Variants in FMN1 observed in about 807,000 individuals in gnomAD.
FMN1 encodes formin-1.
A neutral mutation model predicts 132.4 loss-of-function variants in FMN1; 110 were observed. The ratio of observed to expected loss-of-function variants is 0.83; its 90% CI spans 0.71 to 0.97. FMN1 has a LOEUF of 0.97. Ranked by LOEUF, FMN1 falls within the 50% of genes least tolerant of loss-of-function variation. The pLI, the probability that FMN1 is intolerant of heterozygous loss-of-function variation, is 0.00. For missense variants in FMN1, 1,792 were observed against 1,705.3 expected (o/e 1.05, Z -0.90); for synonymous variants, 722 against 651.7 (o/e 1.11, Z -1.64).
intron 18 of FMN1, among the ~76,000 whole-genome samples, chr15:32,800,076 T>C (rs2057426420): frequency 6.6e-6 from 1 of 152,118 alleles, no homozygotes; most frequent in Non-Finnish European, 1.5e-5. Flanking sequence ...TGGAGCATAC[T>C]TTCATCTCAT....
chr15:33,027,001 A>C (rs1007177511), intron 6 of FMN1, among the ~76,000 whole-genome samples: 2 of 152,154 alleles, frequency 1.3e-5, no homozygotes, highest in African/African-American at 4.8e-5. Context: ...ATTTGTGTGG[A>C]GTGTGGGGGT....
chr15:33,016,994 T>C (rs889347249), intron 6 of FMN1, among the ~76,000 whole-genome samples: 1 of 152,196 alleles, frequency 6.6e-6, no homozygotes, highest in East Asian at 1.9e-4. Context: ...GAATAATAAA[T>C]CTTTTCATGC....
chr15:32,970,269 A>T (rs897481044), intron 7 of FMN1, among the ~76,000 whole-genome samples: 1 of 152,246 alleles, frequency 6.6e-6, no homozygotes, highest in Non-Finnish European at 1.5e-5. Context: ...CCCGTTCCTC[A>T]GCATTCAAAG....
chr15:32,931,876 T>C (rs988269129), intron 9 of FMN1, among the ~76,000 whole-genome samples: 3 of 152,210 alleles, frequency 2.0e-5, no homozygotes, highest in Non-Finnish European at 4.4e-5. Context: ...CTAAAGAATA[T>C]TTCCTTCTTT....
chr15:33,002,516 G>C (rs78236847), intron 7 of FMN1, among the ~76,000 whole-genome samples: 3,911 of 152,242 alleles, frequency 0.026, 75 homozygotes, highest in Non-Finnish European at 0.039. Flanking sequence ...TGCCAAACCA[G>C]TTGTCTCATT....
intron 4 of FMN1, among the ~76,000 whole-genome samples, chr15:33,091,042 C>T (rs2038884153): frequency 6.6e-6 from 1 of 152,134 alleles, no homozygotes; most frequent in Non-Finnish European, 1.5e-5. Flanking sequence ...TAAATCCCTC[C>T]ACCTTTCATT....
intron 15 of FMN1, among the ~76,000 whole-genome samples, chr15:32,894,129 T>A (rs553180054): frequency 6.6e-6 from 1 of 152,186 alleles, no homozygotes; most frequent in Non-Finnish European, 1.5e-5. Flanking sequence ...TACACGTTTG[T>A]GAATATTAAC....
intron 13 of FMN1, 74 bp downstream of exon 13, chr15:32,901,837 T>C (rs2141602836): frequency 4.6e-6 from 6 of 1,306,668 alleles, no homozygotes; most frequent in Non-Finnish European, 6.2e-6. Context: ...TATAATGGCA[T>C]TAAAGTGGTC....
chr15:33,116,164 A>T (rs2140149267), intron 4 of FMN1, among the ~76,000 whole-genome samples: 1 of 152,344 alleles, frequency 6.6e-6, no homozygotes, highest in African/African-American at 2.4e-5. Context: ...AGTTACTTAA[A>T]TCCCCATTTA....
chr15:32,857,051 G>C lies in FMN1; in HGVS notation c.3892C>G (p.Pro1298Ala), dbSNP rs575817325. The C allele has an allele frequency of 1.9e-6, 3 of 1,613,822 alleles. No homozygotes were observed. The highest frequency in any genetic ancestry group is 2.5e-6 in the Non-Finnish European group (3 of 1,179,730). ...AACTCCTCTAGTTTGTCCTTGAAAG[G>C]CTGGAGATACTCCTTTGGGGACTCC... is the stretch of plus-strand genomic sequence containing the variant. ...CKESPKEYLQ[P>A]FKDKLEEFFQ... is the part of the protein sequence containing the mutation. Residue 1298 changes from proline to alanine, a missense_variant, in exon 17 of 21, where the codon CCT (proline) becomes GCT (alanine). By Grantham distance (27) the Pro-to-Ala change is conservative. Coordinates refer to ENST00000616417, the MANE Select transcript of FMN1 (RefSeq NM_001277313.2).
chr15:32,992,147 C>G (rs1235421025), intron 7 of FMN1, among the ~76,000 whole-genome samples: 3 of 152,098 alleles, frequency 2.0e-5, no homozygotes, highest in Non-Finnish European at 4.4e-5. Flanking sequence ...TGTTTTTGAG[C>G]CCATCCACCA....
At chr15:33,098,594 G>A in intron 4 of FMN1, among the ~76,000 whole-genome samples, 1 of 152,180 alleles carries the variant, frequency 6.6e-6, no homozygotes, top group Non-Finnish European at 1.5e-5. Context: ...GGCACTCAGG[G>A]CTTTCAGTTA....
chr15:33,032,846 G>C (rs1228084209), intron 6 of FMN1, among the ~76,000 whole-genome samples: 1 of 151,382 alleles, frequency 6.6e-6, no homozygotes, highest in Non-Finnish European at 1.5e-5. Context: ...GACCTGGGGG[G>C]GTTATTTTAC....
At chr15:32,827,817 C>T (rs1401736317) in intron 17 of FMN1, among the ~76,000 whole-genome samples, 2 of 151,010 alleles carry the variant, frequency 1.3e-5, no homozygotes, top group Non-Finnish European at 2.9e-5. Context: ...GCACTCCAGC[C>T]TGGGTGACAG....
chr15:33,070,234 G>GCCTCAGGTGAT (rs371674668), intron 5 of FMN1, among the ~76,000 whole-genome samples: 1 of 151,420 alleles, frequency 6.6e-6, no homozygotes, highest in African/African-American at 2.4e-5. Flanking sequence ...CGAACTCGTG[G>GCCTCAGGTGAT]CCTCAGGTGA....
Position 32,969,257 on chromosome 15 carries a change from G to A in FMN1, c.2444C>T (p.Pro815Leu). 1 of 1,613,900 alleles carries A rather than the reference G, an allele frequency of 6.2e-7. No homozygotes were observed. Among genetic ancestry groups the A allele is most frequent in the Non-Finnish European group, 8.5e-7 (1 of 1,179,892 alleles). ...GGTTGTCTTGCTTTCACTTTCACAG[G>A]GCTTGAGGAAGGTCTCTCTGTCTGT... ...VQTDRETFLK[P>L]CESESKTTRS... The change falls in exon 8 of 21, where the codon CCC (proline) becomes CTC (leucine). Residue 815 changes from proline (P) to leucine (L), a missense_variant. This residue lies in a region of FMN1 where 1,150 missense variants were observed against 1,043.1 expected (regional missense o/e 1.10). Coordinates refer to ENST00000616417, the MANE Select transcript of FMN1 (RefSeq NM_001277313.2).
intron 5 of FMN1, chr15:33,067,070 T>A: frequency 6.2e-7 from 1 of 1,614,012 alleles, no homozygotes; most frequent in African/African-American, 1.3e-5. Context: ...AGCTGGAAGT[T>A]GGAATGACTT....
intron 6 of FMN1, among the ~76,000 whole-genome samples, chr15:33,011,799 C>T (rs765930345): frequency 2.6e-5 from 4 of 151,906 alleles, no homozygotes; most frequent in East Asian, 1.9e-4. Context: ...CATCAACAGG[C>T]GCTCTAAAAA....
chr15:33,035,897 A>G (rs1163076198), intron 6 of FMN1, among the ~76,000 whole-genome samples: 1 of 152,188 alleles, frequency 6.6e-6, no homozygotes, highest in Non-Finnish European at 1.5e-5. Flanking sequence ...TCACGGATTA[A>G]TGGGTTAGTG....
Sources: allele counts gnomAD v4.1 joint callset (sites outside exome capture counted in the v4.1 genomes callset), GRCh38; gene constraint gnomAD v4.1.1; regional missense constraint gnomAD v4.1.1; transcripts MANE v1.5; gene names NCBI Gene and HGNC (gene_info 2026-07-23, HGNC 2026-07-21).